The following STXBP5L variants were observed in gnomAD, a reference collection of about 807,000 sequenced individuals.
STXBP5L encodes syntaxin-binding protein 5-like.
In STXBP5L, 65 loss-of-function variants were observed where a neutral mutation model predicts 144.5. That is an observed-to-expected ratio of 0.45 (90% CI 0.37 to 0.55). STXBP5L has a LOEUF of 0.55. STXBP5L is among the 20% of genes least tolerant of loss of function. The pLI, the probability that STXBP5L is intolerant of heterozygous loss-of-function variation, is 0.00. For missense variants in STXBP5L, 1,298 were observed against 1,405.5 expected (o/e 0.92, Z 1.22); for synonymous variants, 505 against 469.6 (o/e 1.08, Z -0.97).
At chr3:121,282,017 A>G (rs1298889372) in intron 19 of STXBP5L, among the ~76,000 whole-genome samples, 2 of 151,130 alleles carry the variant, frequency 1.3e-5, no homozygotes, top group Non-Finnish European at 3.0e-5. Flanking sequence ...ATTTATAAAT[A>G]TTTTTATATT....
chr3:121,063,691 A>C (rs1304757397), intron 5 of STXBP5L, among the ~76,000 whole-genome samples: 1 of 152,214 alleles, frequency 6.6e-6, no homozygotes. Context: ...TGCCTTGCCC[A>C]GCAAGGAGGA....
Position 121,041,690 on chromosome 3 carries a change from A to G in STXBP5L, c.288-10A>G. The G allele has an allele frequency of 6.2e-7, 1 of 1,605,940 alleles. No homozygotes were observed. The highest frequency in any genetic ancestry group is 8.5e-7 in the Non-Finnish European group (1 of 1,173,212). On this transcript the variant is annotated splice_polypyrimidine_tract_variant and intron_variant, in intron 3 of 26. Coordinates refer to ENST00000471454, the MANE Select transcript of STXBP5L (RefSeq NM_001308330.2). ...TAAAATGTTAGAATCCTTGACTTTT[A>G]TTATATTAGACTCGGGAGACCTGGT... is the stretch of plus-strand genomic sequence containing the variant.
intron 2 of STXBP5L, among the ~76,000 whole-genome samples, chr3:120,918,215 C>T (rs936478602): frequency 6.6e-6 from 1 of 152,156 alleles, no homozygotes; most frequent in Non-Finnish European, 1.5e-5. Flanking sequence ...ACATTGGGCC[C>T]ACCAGGATAA....
At chr3:121,157,682 GAAGT>G (rs2046169480) in intron 9 of STXBP5L, 55 bp downstream of exon 9, 2 of 1,554,038 alleles carry the variant, frequency 1.3e-6, no homozygotes, top group African/African-American at 1.4e-5. Flanking sequence ...GCCTTGACTT[GAAGT>G]AAGAGAGATG....
intron 7 of STXBP5L, among the ~76,000 whole-genome samples, chr3:121,127,164 T>A (rs958913770): frequency 6.6e-6 from 1 of 151,996 alleles, no homozygotes; most frequent in African/African-American, 2.4e-5. Flanking sequence ...CTACCTCATG[T>A]AGCTCTAGGG....
intron 18 of STXBP5L, among the ~76,000 whole-genome samples, chr3:121,261,536 A>T (rs1025068408): frequency 2.0e-5 from 3 of 152,190 alleles, no homozygotes; most frequent in Non-Finnish European, 4.4e-5. Context: ...AATATAGATA[A>T]ATCTAGCAAT....
intron 3 of STXBP5L, among the ~76,000 whole-genome samples, chr3:120,982,963 A>T (rs186364713): frequency 6.2e-4 from 95 of 152,336 alleles, no homozygotes; most frequent in Non-Finnish European, 1.1e-3. Context: ...GTCCTGCAGC[A>T]GAATGCTCAG....
intron 10 of STXBP5L, among the ~76,000 whole-genome samples, chr3:121,209,603 C>G (rs2048476551): frequency 6.6e-6 from 1 of 151,872 alleles, no homozygotes; most frequent in Non-Finnish European, 1.5e-5. Context: ...CCATGACAGG[C>G]CCCAGTGTGT....
chr3:120,964,846 G>C (rs1235864868), intron 3 of STXBP5L, among the ~76,000 whole-genome samples: 1 of 152,158 alleles, frequency 6.6e-6, no homozygotes, highest in Non-Finnish European at 1.5e-5. Context: ...CTGTCTCATT[G>C]ATCTGTCTAA....
chr3:121,230,365 G>A (rs1160843853), intron 11 of STXBP5L, among the ~76,000 whole-genome samples: 1 of 151,290 alleles, frequency 6.6e-6, no homozygotes, highest in Non-Finnish European at 1.5e-5. Flanking sequence ...GGTCTTATTT[G>A]CTTAATTTAT....
intron 10 of STXBP5L, among the ~76,000 whole-genome samples, chr3:121,209,772 T>C (rs1281962016): frequency 6.6e-6 from 1 of 152,228 alleles, no homozygotes; most frequent in Non-Finnish European, 1.5e-5. Context: ...TCATCCTTTT[T>C]CATGGCTGCA....
At chr3:120,967,928 G>A (rs962137281) in intron 3 of STXBP5L, among the ~76,000 whole-genome samples, 1 of 152,034 alleles carries the variant, frequency 6.6e-6, no homozygotes, top group Non-Finnish European at 1.5e-5. Context: ...TCCTTCTGTG[G>A]TTTACTTCTA....
chr3:120,916,207 T>C (rs1298205126), intron 2 of STXBP5L, among the ~76,000 whole-genome samples: 1 of 152,204 alleles, frequency 6.6e-6, no homozygotes, highest in Non-Finnish European at 1.5e-5. Context: ...TTGAATATAA[T>C]GGTATATAAT....
At chr3:121,242,662 A>C (rs1325940084) in intron 14 of STXBP5L, among the ~76,000 whole-genome samples, 2 of 152,148 alleles carry the variant, frequency 1.3e-5, no homozygotes, top group African/African-American at 4.8e-5. Flanking sequence ...AAATGGTCTA[A>C]ATACTTCCAT....
chr3:121,202,079 T>A (rs939611944), intron 9 of STXBP5L, among the ~76,000 whole-genome samples: 3 of 149,192 alleles, frequency 2.0e-5, no homozygotes, highest in African/African-American at 7.8e-5. Context: ...TTTTGTCCAA[T>A]TTTTTGTTAT....
chr3:121,004,533 A>G (rs1944094404), intron 3 of STXBP5L, among the ~76,000 whole-genome samples: 1 of 151,650 alleles, frequency 6.6e-6, no homozygotes, highest in African/African-American at 2.4e-5. Context: ...CTAATTGAAT[A>G]CCCTTTATTT....
At chr3:121,200,683 C>T (rs775276243) in intron 9 of STXBP5L, among the ~76,000 whole-genome samples, 14 of 151,864 alleles carry the variant, frequency 9.2e-5, no homozygotes, top group Non-Finnish European at 1.6e-4. Flanking sequence ...CGTTGTCTCT[C>T]TCTTTGTTCT....
chr3:121,257,423 A>G, intron 17 of STXBP5L, 90 bp downstream of exon 17: 1 of 1,250,254 alleles, frequency 8.0e-7, no homozygotes, highest in Non-Finnish European at 1.1e-6. Context: ...TTCTCTTATT[A>G]TCAAGCTATT....
At chr3:121,004,401 G>C (rs940213573) in intron 3 of STXBP5L, among the ~76,000 whole-genome samples, 2 of 152,028 alleles carry the variant, frequency 1.3e-5, no homozygotes, top group African/African-American at 4.8e-5. Flanking sequence ...CATTGATTTT[G>C]TATCCTGAGA....
Sources: allele counts gnomAD v4.1 joint callset (sites outside exome capture counted in the v4.1 genomes callset), GRCh38; gene constraint gnomAD v4.1.1; transcripts MANE v1.5; gene names NCBI Gene and HGNC (gene_info 2026-07-23, HGNC 2026-07-21).